Variants in WSB1 observed in about 807,000 individuals in gnomAD.
WSB1 encodes the protein WD repeat and SOCS box containing 1, also known as WD repeat and SOCS box-containing protein 1.
Under a neutral mutation model 50.2 loss-of-function variants are expected in WSB1, and 23 were observed. That is an observed-to-expected ratio of 0.46 (90% CI 0.33 to 0.65). WSB1 has a LOEUF of 0.65. Among genes scored for constraint, WSB1 ranks in the 30% least tolerant of loss-of-function variants. The probability of loss-of-function intolerance (pLI) is 0.02; values close to 1 mark genes in which losing one functional copy is unlikely to be tolerated. For missense variants in WSB1, 492 were observed against 522.3 expected (o/e 0.94, Z 0.56); for synonymous variants, 179 against 172.0 (o/e 1.04, Z -0.32).
At chr17:27,308,980 T>C in intron 5 of WSB1, 120 bp from the exon 6 acceptor site, 1 of 1,324,338 alleles carries the variant, frequency 7.6e-7, no homozygotes, top group Non-Finnish European at 9.7e-7. Context: ...TTCTTTAAAT[T>C]ACTCATAATT....
Position 27,311,584 on chromosome 17 carries a change from C to T in WSB1, c.1074C>T (p.Ala358=), listed in dbSNP as rs1342555423. The T allele has an allele frequency of 6.2e-7, 1 of 1,607,868 alleles. No homozygotes were observed. Residue 358 remains alanine (A), a synonymous_variant, in exon 8 of 9, where the codon GCC becomes GCT. Transcript: ENST00000262394. The stretch of plus-strand genomic sequence containing the variant: ...CTTTGAGCAATGGTCTTTGCTGTGC[C>T]TTCTCTACTGATGGCAGTGTTTTAG... ...VAPLSNGLCC[A]FSTDGSVLAA...
chr17:27,294,464 T>C (rs1344371259), intron 1 of WSB1, 29 bp downstream of exon 1: 1 of 1,610,726 alleles, frequency 6.2e-7, no homozygotes, highest in Admixed American at 1.7e-5. Flanking sequence ...GGTGGGCGCA[T>C]GAGGGCCGAG....
Position 27,312,393 on chromosome 17 carries a change from A to T in WSB1, c.*24A>T. 6.2e-7 allele frequency: 1 copy of T among 1,610,446 alleles called. No individual in the cohort carries two copies. The highest frequency in any genetic ancestry group is 1.1e-5 in the South Asian group (1 of 90,400). On this transcript the variant is annotated 3_prime_UTR_variant, in exon 9 of 9. Transcript: ENST00000262394. ...AGAAGATTCTGCCTTCCCTAGTAGTAGGGACTGACAGAATACACTTAACAC... is the reference window on the plus strand; with the variant it reads ...AGAAGATTCTGCCTTCCCTAGTAGTTGGGACTGACAGAATACACTTAACAC...
rs2017735776 is a variant in WSB1 at position 27,312,753 on chromosome 17, A to G, written c.*384A>G. On this transcript the variant is annotated 3_prime_UTR_variant, in exon 9 of 9. Transcript: ENST00000262394. ...GCAAGGAAATTTTAAATTCTGGGAC[A>G]CTGAGTTAGATGGTAAATACTGACT... 6.1e-6 allele frequency: 1 copy of G among 162,766 alleles called. No homozygotes were observed. Among genetic ancestry groups the G allele is most frequent in the African/African-American group, 2.4e-5 (1 of 41,492 alleles). 10.1% of individuals were successfully genotyped at this position (162,766 alleles called of 1,614,324 possible). A position where few individuals can be genotyped will look rare whatever the true frequency, so the allele number is the denominator to read the frequency against.
chr17:27,304,703 C>T (rs1597760330), intron 3 of WSB1, 77 bp from the exon 4 acceptor site: 13 of 1,453,938 alleles, frequency 8.9e-6, no homozygotes, highest in Non-Finnish European at 1.2e-5. Flanking sequence ...CAGAGTGAGA[C>T]CCTGTCTCAA....
At chr17:27,295,893 A>G (rs905152076) in intron 1 of WSB1, among the ~76,000 whole-genome samples, 12 of 150,926 alleles carry the variant, frequency 8.0e-5, no homozygotes, top group African/African-American at 2.2e-4. Flanking sequence ...GCTGGAGTGC[A>G]ATGGCACGAT....
chr17:27,311,130 T>C (rs1039939814), intron 7 of WSB1, among the ~76,000 whole-genome samples: 3 of 152,132 alleles, frequency 2.0e-5, no homozygotes, highest in African/African-American at 7.2e-5. Context: ...GGGATTATGG[T>C]TGTGAGCTAC....
intron 6 of WSB1, among the ~76,000 whole-genome samples, chr17:27,309,746 C>G (rs2017596835): frequency 6.6e-6 from 1 of 152,064 alleles, no homozygotes; most frequent in East Asian, 1.9e-4. Flanking sequence ...CCACCCCTGG[C>G]TAATTTTTGT....
rs570765137 is a variant in WSB1 at position 27,301,169 on chromosome 17, C to T, written c.41-619C>T. On this transcript the variant is annotated intron_variant, in intron 1 of 8. Transcript: ENST00000262394. ...GATTACAGGTGTGAGCAACCACACG[C>T]GGCCTATAATGCCTTTTTAAAGCAC... 1.2e-4 allele frequency among the ~76,000 whole-genome samples: 18 copies of T among 152,278 alleles called. No homozygotes were observed. The East Asian group carries it at 1.3e-3, about 11-fold the overall frequency.
intron 6 of WSB1, 141 bp downstream of exon 6, chr17:27,309,413 T>A: frequency 1.3e-6 from 1 of 784,950 alleles, no homozygotes; most frequent in Non-Finnish European, 1.9e-6. Context: ...AGCCCTTGAC[T>A]AATGGAAAGC....
At chr17:27,308,630 G>A (rs188611055) in intron 5 of WSB1, 1 of 986,024 alleles carries the variant, frequency 1.0e-6, no homozygotes, top group Non-Finnish European at 1.2e-6. Context: ...CAAGCCTATT[G>A]TAAACAAGTG....
intron 7 of WSB1, among the ~76,000 whole-genome samples, chr17:27,311,127 T>C (rs1008314243): frequency 3.9e-5 from 6 of 152,160 alleles, no homozygotes; most frequent in Non-Finnish European, 4.4e-5. Flanking sequence ...GGTGGGATTA[T>C]GGTTGTGAGC....
Position 27,296,610 on chromosome 17 carries a change from A to T in WSB1, c.40+2175A>T, listed in dbSNP as rs1374111137. Among the ~76,000 whole-genome samples the T allele has an allele frequency of 5.9e-5, 9 of 152,336 alleles. No homozygotes were observed. In the South Asian group the frequency reaches 6.2e-4, roughly 11 times the overall value. ...CTGCCCTTTTTCACAAGGCACTGCC[A>T]CAGATCATCCCTTTCTGGTTATGAA... On this transcript the variant is annotated intron_variant, in intron 1 of 8. Transcript: ENST00000262394.
At chr17:27,301,734 T>G in intron 1 of WSB1, 54 bp from the exon 2 acceptor site, 3 of 1,577,538 alleles carry the variant, frequency 1.9e-6, no homozygotes, top group African/African-American at 1.4e-5. Context: ...GGAAGCAGTC[T>G]CACATGTATT....
rs555880727 is a variant in WSB1, at chr17:27,303,375, A to G, written c.218A>G (p.His73Arg). The change falls in exon 3 of 9, where the codon CAT (histidine) becomes CGT (arginine). Residue 73 changes from histidine (H) to arginine (R), a missense_variant. Physicochemically the swap from His to Arg is conservative, Grantham distance 29. Transcript: ENST00000262394. ...WSQCLQNFLLHGTKNVTNSSS... is the reference protein window; with the variant it reads ...WSQCLQNFLLRGTKNVTNSSS... ...GACTTCCCCCACTCCAGTCTCTTGC[A>G]TGGCACCAAGAATGTTACCAATTCA... 11 of 1,613,922 alleles carry G rather than the reference A, an allele frequency of 6.8e-6. No individual in the cohort carries two copies. Among genetic ancestry groups the G allele is most frequent in the African/African-American group, 6.7e-5 (5 of 75,040 alleles).
intron 5 of WSB1, chr17:27,307,694 C>T (rs2150839932): frequency 6.6e-7 from 1 of 1,515,118 alleles, no homozygotes; most frequent in Admixed American, 2.1e-5. Context: ...GTTGACATTG[C>T]TATTTTAGGC....
Position 27,306,716 on chromosome 17 carries a change from T to C in WSB1, c.611-66T>C. The C allele has an allele frequency of 8.1e-6, 12 of 1,487,860 alleles. No individual in the cohort carries two copies. The Middle Eastern group carries it at 2.1e-3, about 257-fold the overall frequency. 92.2% of individuals were successfully genotyped at this position (1,487,860 alleles called of 1,614,324 possible). ...TGTTTGTGATCCTTTGCTTTACTGC[T>C]GTTTTGAAATACTGCTCATTTGAAG... On this transcript the variant is annotated intron_variant, in intron 4 of 8. Transcript: ENST00000262394.
At position 27,294,567 on chromosome 17, in the gene WSB1, G is replaced by C. The variant is rs1056632002; in HGVS notation, c.40+132G>C. 3 of 1,297,146 alleles carry C rather than the reference G, an allele frequency of 2.3e-6. No homozygotes were observed. The Admixed American group carries it at 6.8e-5, about 30-fold the overall frequency. The allele number at this position is 1,297,146 out of a possible 1,614,324, so 80.4% of individuals were successfully genotyped here. On this transcript the variant is annotated intron_variant, in intron 1 of 8. Transcript: ENST00000262394. Reference sequence around the variant, plus strand: ...TGCGCCAGGGCCAGCCCACTAGCGAGGAGGAGGAAGCCGCCTCGGTGGGAG... The same window carrying C: ...TGCGCCAGGGCCAGCCCACTAGCGACGAGGAGGAAGCCGCCTCGGTGGGAG...
chr17:27,294,271 C>G lies in WSB1; in HGVS notation c.-125C>G, dbSNP rs1207199261. The G allele has an allele frequency of 1.5e-6, 2 of 1,346,072 alleles. No homozygotes were observed. The highest frequency in any genetic ancestry group is 2.9e-5 in the South Asian group (2 of 69,038). 83.4% of individuals were successfully genotyped at this position (1,346,072 alleles called of 1,614,324 possible). A position where few individuals can be genotyped will look rare whatever the true frequency, so the allele number is the denominator to read the frequency against. ...TAGCAGAAGCCGCAGCGGCCGCCCC[C>G]GCCCGTCTCCTCTGTCCCTGGGCCC... On this transcript the variant is annotated 5_prime_UTR_variant, in exon 1 of 9. Coordinates refer to ENST00000262394, the MANE Select transcript of WSB1 (RefSeq NM_015626.10).
Sources: allele counts gnomAD v4.1 joint callset (sites outside exome capture counted in the v4.1 genomes callset), GRCh38; gene constraint gnomAD v4.1.1; transcripts MANE v1.5; gene names NCBI Gene and HGNC (gene_info 2026-07-23, HGNC 2026-07-21).